The following TCF7L1 variants were observed in gnomAD, a reference collection of about 807,000 sequenced individuals.
The protein encoded by TCF7L1 is transcription factor 7-like 1.
TCF7L1 carries 18 observed loss-of-function variants against 63.7 expected under a neutral mutation model. The ratio of observed to expected loss-of-function variants is 0.28; its 90% CI spans 0.20 to 0.42. TCF7L1 has a LOEUF of 0.42. TCF7L1 is among the 10% of genes least tolerant of loss of function. TCF7L1 has a pLI of 1.00. For synonymous variants in TCF7L1, 355 were observed against 340.9 expected (o/e 1.04, Z -0.46); for missense variants, 654 against 779.3 (o/e 0.84, Z 1.91).
At chr2:85,192,244 T>G (rs954772539) in intron 3 of TCF7L1, among the ~76,000 whole-genome samples, 1 of 152,206 alleles carries the variant, frequency 6.6e-6, no homozygotes, top group Non-Finnish European at 1.5e-5. Context: ...ATCCTGAATT[T>G]AAGCATTGGA....
At chr2:85,228,770 C>T (rs566044455) in intron 3 of TCF7L1, among the ~76,000 whole-genome samples, 1 of 151,814 alleles carries the variant, frequency 6.6e-6, no homozygotes, top group East Asian at 1.9e-4. Context: ...AATCCCAGCA[C>T]TTTGGGAGGC....
chr2:85,246,745 T>C (rs1010274413), intron 3 of TCF7L1, among the ~76,000 whole-genome samples: 5 of 150,106 alleles, frequency 3.3e-5, no homozygotes, highest in African/African-American at 4.9e-5. Context: ...CTAAGGACTC[T>C]CAAGCATTTC....
At chr2:85,135,210 G>T (rs1316166002) in intron 3 of TCF7L1, among the ~76,000 whole-genome samples, 2 of 152,106 alleles carry the variant, frequency 1.3e-5, no homozygotes, top group African/African-American at 4.8e-5. Flanking sequence ...GGATTCCTTC[G>T]CCCCCTCTCT....
At chr2:85,261,565 A>G (rs1316436425) in intron 3 of TCF7L1, among the ~76,000 whole-genome samples, 1 of 152,218 alleles carries the variant, frequency 6.6e-6, no homozygotes, top group Non-Finnish European at 1.5e-5. Context: ...AACCCAGCCT[A>G]AGCAATCAGG....
chr2:85,266,926 C>T (rs753690561), intron 3 of TCF7L1, among the ~76,000 whole-genome samples: 4 of 152,244 alleles, frequency 2.6e-5, no homozygotes, highest in Admixed American at 6.5e-5. Flanking sequence ...CAGTGTCCTC[C>T]GTGACCTTGG....
At chr2:85,307,861 C>T (rs1390212664) in intron 11 of TCF7L1, 144 bp downstream of exon 11, 6 of 677,374 alleles carry the variant, frequency 8.9e-6, no homozygotes, top group Admixed American at 2.7e-5. Context: ...CTCGAGGTGG[C>T]CACTTAAGAG....
At chr2:85,244,586 TG>T (rs1558644681) in intron 3 of TCF7L1, among the ~76,000 whole-genome samples, 1 of 152,018 alleles carries the variant, frequency 6.6e-6, no homozygotes, top group Non-Finnish European at 1.5e-5. Flanking sequence ...GAGAAGACTG[TG>T]GGAGGGGCAG....
chr2:85,271,496 G>T (rs1159379115), intron 3 of TCF7L1, among the ~76,000 whole-genome samples: 1 of 152,178 alleles, frequency 6.6e-6, no homozygotes, highest in Non-Finnish European at 1.5e-5. Context: ...TAATTCATAT[G>T]GAATGCTTTA....
At chr2:85,155,685 A>G (rs1310263704) in intron 3 of TCF7L1, among the ~76,000 whole-genome samples, 1 of 152,232 alleles carries the variant, frequency 6.6e-6, no homozygotes, top group African/African-American at 2.4e-5. Flanking sequence ...ACTGTTAACT[A>G]ATTTAAAGAT....
At chr2:85,292,543 A>T (rs1223154050) in intron 4 of TCF7L1, among the ~76,000 whole-genome samples, 5 of 152,158 alleles carry the variant, frequency 3.3e-5, no homozygotes, top group Non-Finnish European at 7.4e-5. Flanking sequence ...CTCAAAAAAT[A>T]TTTTTGTAGA....
intron 8 of TCF7L1, 45 bp downstream of exon 8, chr2:85,305,448 T>TG: frequency 6.4e-7 from 1 of 1,566,228 alleles, no homozygotes; most frequent in Non-Finnish European, 8.6e-7. Flanking sequence ...GTGCAGGCTG[T>TG]GGGGAGGGGT....
intron 4 of TCF7L1, among the ~76,000 whole-genome samples, chr2:85,287,085 G>A (rs756519505): frequency 1.3e-5 from 2 of 152,040 alleles, no homozygotes; most frequent in East Asian, 3.9e-4. Flanking sequence ...ATTGTTTACC[G>A]CCTGACTTCC....
intron 3 of TCF7L1, among the ~76,000 whole-genome samples, chr2:85,157,587 G>A (rs537900841): frequency 2.0e-5 from 3 of 152,322 alleles, no homozygotes; most frequent in South Asian, 4.1e-4. Context: ...GAGGGACAAG[G>A]CAGTGAAGAT....
intron 3 of TCF7L1, among the ~76,000 whole-genome samples, chr2:85,147,311 A>G (rs1418717823): frequency 3.3e-5 from 5 of 151,582 alleles, no homozygotes; most frequent in South Asian, 2.1e-4. Flanking sequence ...GTAGCAAAAT[A>G]CTCTCACCCT....
chr2:85,274,242 C>T (rs1681221625), intron 3 of TCF7L1, among the ~76,000 whole-genome samples: 2 of 152,304 alleles, frequency 1.3e-5, no homozygotes, highest in South Asian at 2.1e-4. Flanking sequence ...ATGGGAGAGG[C>T]AGCTTGCGAC....
intron 3 of TCF7L1, among the ~76,000 whole-genome samples, chr2:85,282,187 C>T (rs1026484985): frequency 2.0e-5 from 3 of 152,136 alleles, no homozygotes; most frequent in African/African-American, 7.2e-5. Context: ...GAAGTTTCAC[C>T]ATGTTGGCCA....
At chr2:85,185,797 G>A (rs1032690167) in intron 3 of TCF7L1, among the ~76,000 whole-genome samples, 3 of 152,020 alleles carry the variant, frequency 2.0e-5, no homozygotes, top group Non-Finnish European at 4.4e-5. Flanking sequence ...GAGGAAGGTG[G>A]TCAGAACTGG....
intron 3 of TCF7L1, among the ~76,000 whole-genome samples, chr2:85,241,541 G>A (rs1290983579): frequency 1.3e-5 from 2 of 148,404 alleles, no homozygotes; most frequent in Non-Finnish European, 3.0e-5. Flanking sequence ...CTGCCTCCCG[G>A]GTTCAAGCGA....
chr2:85,266,134 A>G (rs1680966920), intron 3 of TCF7L1, among the ~76,000 whole-genome samples: 1 of 152,226 alleles, frequency 6.6e-6, no homozygotes, highest in Non-Finnish European at 1.5e-5. Context: ...ACCACCTACT[A>G]CATAAATTCA....
Sources: gnomAD v4.1 joint callset for allele counts (sites outside exome capture counted in the v4.1 genomes callset) on GRCh38, gnomAD v4.1.1 for gene constraint, MANE v1.5 for transcripts, NCBI Gene and HGNC (gene_info 2026-07-23, HGNC 2026-07-21) for gene names.